Variants in HOMER1 observed in about 807,000 individuals in gnomAD.
The protein encoded by HOMER1 is homer protein homolog 1.
Under a neutral mutation model 48.9 loss-of-function variants are expected in HOMER1, and 3 were observed. The ratio of observed to expected loss-of-function variants is 0.06; its 90% CI spans 0.03 to 0.16. The LOEUF is 0.16. Ranked by LOEUF, HOMER1 falls within the 10% of genes least tolerant of loss-of-function variation. HOMER1 has a pLI of 1.00. For missense variants in HOMER1, 247 were observed against 411.4 expected (o/e 0.60, Z 3.46); for synonymous variants, 134 against 146.4 (o/e 0.92, Z 0.61).
At chr5:79,397,434 T>G (rs1338914871) in intron 7 of HOMER1, 93 bp downstream of exon 7, 17 of 830,348 alleles carry the variant, frequency 2.0e-5, no homozygotes, top group Non-Finnish European at 3.1e-5. Flanking sequence ...AACCTGACTT[T>G]ATTCCATAAA....
At chr5:79,434,758 A>G (rs1433673933) in intron 5 of HOMER1, among the ~76,000 whole-genome samples, 3 of 152,196 alleles carry the variant, frequency 2.0e-5, no homozygotes, top group Non-Finnish European at 4.4e-5. Context: ...ACAAGGATAC[A>G]GTACTATAGC....
At chr5:79,481,174 T>C (rs1305399976) in intron 1 of HOMER1, among the ~76,000 whole-genome samples, 1 of 152,212 alleles carries the variant, frequency 6.6e-6, no homozygotes, top group East Asian at 1.9e-4. Flanking sequence ...AACACTCTCA[T>C]AGCACCAGTT....
intron 5 of HOMER1, among the ~76,000 whole-genome samples, chr5:79,426,953 T>TA (rs1165899645): frequency 5.3e-5 from 8 of 151,546 alleles, no homozygotes; most frequent in South Asian, 2.1e-4. Context: ...AAATAAAAAT[T>TA]AAAAAAAAAT....
chr5:79,471,551 G>GAAAAAAAAAAAAAAAAAAAAAAAAAAA (rs55724615), intron 1 of HOMER1, among the ~76,000 whole-genome samples: 1 of 97,680 alleles, frequency 1.0e-5, no homozygotes. Context: ...CCATCTCAAA[G>GAAAAAAAAAAAAAAAAAAAAAAAAAAA]AAAAAAAAAA....
intron 1 of HOMER1, among the ~76,000 whole-genome samples, chr5:79,465,889 A>G (rs1047687415): frequency 1.3e-5 from 2 of 152,040 alleles, no homozygotes; most frequent in Non-Finnish European, 2.9e-5. Flanking sequence ...TACTGTTTAC[A>G]TTTCTTATAT....
Position 79,387,224 on chromosome 5 carries a change from C to CT in HOMER1, c.876+9598dup, listed in dbSNP as rs781056791. On this transcript the variant is annotated intron_variant, in intron 8 of 8. Coordinates refer to ENST00000334082, the MANE Select transcript of HOMER1 (RefSeq NM_004272.5). ...CTCCCTGCAGCCTCAACCTTCTGGGCTCACATGATCTTCCTGCCTCAGCTC... is the reference window on the plus strand; with the variant it reads ...CTCCCTGCAGCCTCAACCTTCTGGGCTTCACATGATCTTCCTGCCTCAGCTC... Among the ~76,000 whole-genome samples the CT allele has an allele frequency of 1.2e-4, 19 of 152,038 alleles. 1 individual carries two copies. The highest frequency in any genetic ancestry group is 5.9e-4 in the Admixed American group (9 of 15,246).
intron 1 of HOMER1, among the ~76,000 whole-genome samples, chr5:79,483,496 T>TAAA (rs77977728): frequency 1.4e-5 from 2 of 144,100 alleles, no homozygotes; most frequent in African/African-American, 5.0e-5. Flanking sequence ...AATTTTACCT[T>TAAA]AAAAAAAAAA....
intron 5 of HOMER1, among the ~76,000 whole-genome samples, chr5:79,432,728 T>C (rs1464504676): frequency 6.6e-6 from 1 of 152,176 alleles, no homozygotes; most frequent in Non-Finnish European, 1.5e-5. Context: ...TTATATTTAT[T>C]TCATCTTATT....
chr5:79,503,131 T>C (rs1752651249), intron 1 of HOMER1, among the ~76,000 whole-genome samples: 4 of 152,204 alleles, frequency 2.6e-5, no homozygotes, highest in Admixed American at 2.6e-4. Context: ...CATAACCTAT[T>C]GTTGACTGGA....
chr5:79,399,778 C>T (rs1580424451), intron 6 of HOMER1, among the ~76,000 whole-genome samples: 1 of 152,016 alleles, frequency 6.6e-6, no homozygotes, highest in East Asian at 1.9e-4. Flanking sequence ...TAAAATGTAA[C>T]TTATAATCAA....
intron 1 of HOMER1, among the ~76,000 whole-genome samples, chr5:79,463,085 G>A (rs1328648183): frequency 1.3e-5 from 2 of 152,176 alleles, no homozygotes; most frequent in African/African-American, 4.8e-5. Context: ...AATAAGGCTG[G>A]TAATATTTTC....
chr5:79,503,951 G>T (rs192367185), intron 1 of HOMER1, among the ~76,000 whole-genome samples: 2 of 152,204 alleles, frequency 1.3e-5, no homozygotes, highest in Admixed American at 6.5e-5. Context: ...TTGTTCAAGG[G>T]CATCTGTACT....
chr5:79,400,669 T>A (rs1230823548), intron 6 of HOMER1, among the ~76,000 whole-genome samples: 1 of 149,924 alleles, frequency 6.7e-6, no homozygotes, highest in Non-Finnish European at 1.5e-5. Flanking sequence ...GAATTTTTTT[T>A]AAAAGGAGAA....
At chr5:79,439,326 C>A (rs1328280865) in intron 4 of HOMER1, among the ~76,000 whole-genome samples, 177 bp from the exon 5 acceptor site, 1 of 152,060 alleles carries the variant, frequency 6.6e-6, no homozygotes, top group African/African-American at 2.4e-5. Flanking sequence ...TTATTCATGG[C>A]AAGCTAGGAG....
At chr5:79,390,353 C>T (rs76098844) in intron 8 of HOMER1, among the ~76,000 whole-genome samples, 7,605 of 151,928 alleles carry the variant, frequency 0.05, 277 homozygotes, top group Admixed American at 0.087. Flanking sequence ...CGTTTAAATA[C>T]GAACACAGGT....
rs1031273130 is a variant in HOMER1 at position 79,427,511 on chromosome 5, C to T, written c.527+11499G>A. ...TCAAGCGATTCTCATGCCTCAGCCA[C>T]TTGAGTAGCTGGGATTACAGGCGTG... is the stretch of plus-strand genomic sequence containing the variant. On this transcript the variant is annotated intron_variant, in intron 5 of 8. Transcript: ENST00000334082. Among the ~76,000 whole-genome samples the T allele has an allele frequency of 9.2e-5, 14 of 152,196 alleles. No individual in the cohort carries two copies. In the South Asian group the frequency reaches 2.3e-3, roughly 25 times the overall value.
chr5:79,456,106 G>A (rs1287979080), intron 2 of HOMER1, among the ~76,000 whole-genome samples: 1 of 146,820 alleles, frequency 6.8e-6, no homozygotes, highest in Non-Finnish European at 1.5e-5. Context: ...AGTGAGCTGA[G>A]CTGTACTCCA....
intron 1 of HOMER1, among the ~76,000 whole-genome samples, chr5:79,506,795 C>A (rs770844345): frequency 2.6e-5 from 4 of 152,092 alleles, no homozygotes; most frequent in Non-Finnish European, 5.9e-5. Context: ...CATGATGGCA[C>A]CACTGCACTC....
At chr5:79,378,891 CCTCT>C (rs1295177499) in intron 8 of HOMER1, among the ~76,000 whole-genome samples, 2 of 151,028 alleles carry the variant, frequency 1.3e-5, no homozygotes, top group Non-Finnish European at 2.9e-5. Context: ...ACTCTAAGCA[CCTCT>C]CTGTTTGCAG....
Sources: gnomAD v4.1 joint callset for allele counts (sites outside exome capture counted in the v4.1 genomes callset) on GRCh38, gnomAD v4.1.1 for gene constraint, MANE v1.5 for transcripts, NCBI Gene and HGNC (gene_info 2026-07-23, HGNC 2026-07-21) for gene names.